The following NMNAT3 variants were observed in gnomAD, a reference collection of about 807,000 sequenced individuals.
NMNAT3 encodes nicotinamide nucleotide adenylyltransferase 3.
In NMNAT3, 21 loss-of-function variants were observed where a neutral mutation model predicts 24.8. The observed-to-expected ratio is 0.85, with a 90% CI of 0.60 to 1.22. The LOEUF (loss-of-function observed/expected upper bound fraction) is 1.22. Among genes scored for constraint, NMNAT3 ranks in the 50% most tolerant of loss-of-function variants. The pLI is 0.00. For missense variants in NMNAT3, 387 were observed against 436.6 expected (o/e 0.89, Z 1.01); for synonymous variants, 136 against 155.2 (o/e 0.88, Z 0.92).
At chr3:139,649,770 A>G (rs188771732) in intron 1 of NMNAT3, among the ~76,000 whole-genome samples, 79 of 152,304 alleles carry the variant, frequency 5.2e-4, no homozygotes, top group Admixed American at 9.8e-4. Flanking sequence ...ACCACGCTTC[A>G]TCACATACAA....
intron 3 of NMNAT3, among the ~76,000 whole-genome samples, chr3:139,606,582 T>C (rs2108237807): frequency 6.6e-6 from 1 of 152,370 alleles, no homozygotes; most frequent in South Asian, 2.1e-4. Context: ...TATGTAAATA[T>C]CCTGATTCCC....
At chr3:139,599,228 G>A in intron 3 of NMNAT3, 2 of 625,740 alleles carry the variant, frequency 3.2e-6, no homozygotes, top group South Asian at 3.7e-5. Context: ...AAACAATTGA[G>A]AAAAGCATTA....
intron 2 of NMNAT3, among the ~76,000 whole-genome samples, chr3:139,630,294 C>A (rs1333670656): frequency 1.3e-5 from 2 of 152,176 alleles, no homozygotes; most frequent in Non-Finnish European, 2.9e-5. Flanking sequence ...AGCTTGACAG[C>A]CTCTCCAGTG....
chr3:139,659,506 C>T (rs533399831), intron 1 of NMNAT3, among the ~76,000 whole-genome samples: 5 of 152,262 alleles, frequency 3.3e-5, no homozygotes, highest in African/African-American at 1.2e-4. Flanking sequence ...AACTAGTTTT[C>T]CTACATGCAA....
chr3:139,626,728 G>A (rs965699855), intron 3 of NMNAT3, among the ~76,000 whole-genome samples: 1 of 151,954 alleles, frequency 6.6e-6, no homozygotes, highest in East Asian at 1.9e-4. Context: ...ATAAAAATAT[G>A]TTTCTAAAAT....
chr3:139,665,925 A>T (rs1400092703), intron 1 of NMNAT3, among the ~76,000 whole-genome samples: 1 of 152,206 alleles, frequency 6.6e-6, no homozygotes, highest in Admixed American at 6.5e-5. Flanking sequence ...GTCTATGGGG[A>T]GGCAAAGGTA....
At chr3:139,637,825 AGTT>A (rs2056557211) in intron 2 of NMNAT3, 135 bp downstream of exon 2, 1 of 152,184 alleles carries the variant, frequency 6.6e-6, no homozygotes, top group African/African-American at 2.4e-5. Context: ...GACATAGTAT[AGTT>A]GTCTATATAT....
At position 139,627,820 on chromosome 3, in the gene NMNAT3, A is replaced by C. The variant is rs2056122673; in HGVS notation, c.-40-56T>G. 4 of 630,738 alleles carry C rather than the reference A, an allele frequency of 6.3e-6. No homozygotes were observed. The South Asian group carries it at 8.9e-5, about 14-fold the overall frequency. The allele number at this position is 630,738 out of a possible 1,614,324, so 39.1% of individuals were successfully genotyped here. A position where few individuals can be genotyped will look rare whatever the true frequency, so the allele number is the denominator to read the frequency against. ...AGTTAGCACTGAGACAATTATCCAG[A>C]TCAGTCTCTCTAAACCACACACAGA... On this transcript the variant is annotated intron_variant, in intron 2 of 6. Transcript: ENST00000643695.
intron 3 of NMNAT3, among the ~76,000 whole-genome samples, chr3:139,625,249 T>C (rs142938450): frequency 9.8e-5 from 15 of 152,310 alleles, no homozygotes; most frequent in African/African-American, 3.6e-4. Context: ...ATGCTTCTTA[T>C]TTATAGTTGG....
chr3:139,606,756 T>A (rs2054965112), intron 3 of NMNAT3, among the ~76,000 whole-genome samples: 1 of 152,354 alleles, frequency 6.6e-6, no homozygotes, highest in Admixed American at 6.5e-5. Flanking sequence ...CTCCTGCATT[T>A]CTGTATTCAT....
At chr3:139,566,144 G>T (rs1450980177) in intron 6 of NMNAT3, 1 of 152,054 alleles carries the variant, frequency 6.6e-6, no homozygotes, top group Non-Finnish European at 1.5e-5. Context: ...GTGTTTTTTG[G>T]CTGCATAAAT....
chr3:139,561,069 T>C lies in NMNAT3; in HGVS notation c.982A>G (p.Thr328Ala). ...TTGCCTTTCCAGGTACTGCCCTTGG[T>C]GTAGAGGCCATGGTCCTTGATGTAC... The change falls in exon 7 of 7, where the codon ACC (threonine) becomes GCC (alanine). Residue 328 changes from threonine (T) to alanine (A), a missense_variant. Transcript: ENST00000643695. The C allele has an allele frequency of 6.2e-7, 1 of 1,613,946 alleles. No homozygotes were observed.
chr3:139,650,883 C>A (rs1429811811), intron 1 of NMNAT3, among the ~76,000 whole-genome samples: 1 of 152,180 alleles, frequency 6.6e-6, no homozygotes, highest in Non-Finnish European at 1.5e-5. Context: ...CTTTCTAAAA[C>A]TCTTCAGGGA....
intron 1 of NMNAT3, among the ~76,000 whole-genome samples, chr3:139,675,162 A>ACACACACACACG (rs1491025332): frequency 6.6e-6 from 1 of 151,332 alleles, no homozygotes; most frequent in Non-Finnish European, 1.5e-5. Context: ...ACACACACAC[A>ACACACACACACG]CGTGCACATA....
intron 3 of NMNAT3, among the ~76,000 whole-genome samples, 160 bp downstream of exon 4, chr3:139,627,456 C>T (rs1179552764): frequency 6.6e-6 from 1 of 152,112 alleles, no homozygotes; most frequent in East Asian, 1.9e-4. Context: ...TGTCACAAGA[C>T]TATAAGCATC....
chr3:139,579,078 G>A lies in NMNAT3; in HGVS notation c.392-23C>T, dbSNP rs1316820879. 3 of 1,602,516 alleles carry A rather than the reference G, an allele frequency of 1.9e-6. No homozygotes were observed. The East Asian group carries it at 6.7e-5, about 36-fold the overall frequency. ...TTCCTAGGTAAGAGAGAGCAGTGGT[G>A]TTGCACATACAGACAGATGCTCACC... On this transcript the variant is annotated intron_variant, in intron 4 of 6. Transcript: ENST00000643695.
At chr3:139,571,160 A>G (rs1938243192) in intron 6 of NMNAT3, 2 of 152,350 alleles carry the variant, frequency 1.3e-5, no homozygotes, top group Admixed American at 1.3e-4. Context: ...TGTGTGGGAT[A>G]TAATCTCCTG....
chr3:139,642,527 C>T (rs2056739629), intron 1 of NMNAT3, among the ~76,000 whole-genome samples: 1 of 152,158 alleles, frequency 6.6e-6, no homozygotes. Context: ...GTGGCGCTGC[C>T]CTGGGAACTT....
intron 6 of NMNAT3, among the ~76,000 whole-genome samples, chr3:139,564,805 C>T (rs1936923380): frequency 6.6e-6 from 1 of 152,206 alleles, no homozygotes; most frequent in Non-Finnish European, 1.5e-5. Context: ...AAAAATTCCA[C>T]CTTCCTGTTT....
Sources: gnomAD v4.1 joint callset for allele counts (sites outside exome capture counted in the v4.1 genomes callset) on GRCh38, gnomAD v4.1.1 for gene constraint, MANE v1.5 for transcripts, NCBI Gene and HGNC (gene_info 2026-07-23, HGNC 2026-07-21) for gene names.